Variants in GLDN observed in about 807,000 individuals in gnomAD.
GLDN encodes collomin.
A neutral mutation model predicts 56.5 loss-of-function variants in GLDN; 47 were observed. That is an observed-to-expected ratio of 0.83 (90% CI 0.66 to 1.06). The LOEUF is 1.06. Among genes scored for constraint, GLDN ranks in the 50% least tolerant of loss-of-function variants. The pLI is 0.00. For missense variants in GLDN, 782 were observed against 714.3 expected, an observed-to-expected ratio of 1.09 and a Z score of -1.08; for synonymous variants, 332 against 278.8, an observed-to-expected ratio of 1.19 and a Z score of -1.90.
chr15:51,389,173 C>A (rs1230126237), intron 4 of GLDN, among the ~76,000 whole-genome samples: 2 of 152,210 alleles, frequency 1.3e-5, no homozygotes, highest in Non-Finnish European at 2.9e-5. Context: ...TGGGTTATGA[C>A]AACTCTAATA....
At chr15:51,365,458 T>C (rs1189724569) in intron 1 of GLDN, among the ~76,000 whole-genome samples, 1 of 152,200 alleles carries the variant, frequency 6.6e-6, no homozygotes, top group African/African-American at 2.4e-5. Context: ...GGTAACAGCA[T>C]TAGGTATGTG....
intron 1 of GLDN, among the ~76,000 whole-genome samples, chr15:51,361,685 G>A (rs1042668148): frequency 5.3e-5 from 8 of 152,328 alleles, no homozygotes; most frequent in African/African-American, 1.9e-4. Context: ...GTTCTCTTGA[G>A]GTTTATGTTC....
intron 1 of GLDN, 127 bp from the exon 2 acceptor site, chr15:51,377,322 G>A (rs2037653956): frequency 2.9e-6 from 2 of 693,568 alleles, no homozygotes; most frequent in Non-Finnish European, 5.0e-6. Context: ...CGTTTTCCTT[G>A]AACTTCCGCG....
chr15:51,359,281 G>T (rs916758899), intron 1 of GLDN, among the ~76,000 whole-genome samples: 3 of 152,188 alleles, frequency 2.0e-5, no homozygotes, highest in African/African-American at 7.2e-5. Flanking sequence ...ATATGTAGAC[G>T]TCTTACAGGG....
intron 2 of GLDN, among the ~76,000 whole-genome samples, chr15:51,381,262 G>T (rs2037753007): frequency 6.6e-6 from 1 of 152,182 alleles, no homozygotes; most frequent in Non-Finnish European, 1.5e-5. Context: ...AACCTACTGT[G>T]TACAGGCAAG....
chr15:51,345,371 A>G (rs2036959630), intron 1 of GLDN, among the ~76,000 whole-genome samples: 1 of 152,188 alleles, frequency 6.6e-6, no homozygotes. Flanking sequence ...TCCTTGAGGG[A>G]CTGTATGCAT....
chr15:51,396,457 A>T (rs2038131483), intron 5 of GLDN, among the ~76,000 whole-genome samples: 1 of 152,248 alleles, frequency 6.6e-6, no homozygotes, highest in Non-Finnish European at 1.5e-5. Context: ...AGCCACAAAG[A>T]CAATAGCACA....
intron 1 of GLDN, among the ~76,000 whole-genome samples, chr15:51,360,828 GCTAT>G (rs2037284358): frequency 6.6e-6 from 1 of 152,196 alleles, no homozygotes; most frequent in South Asian, 2.1e-4. Context: ...GACATAGGTA[GCTAT>G]CCCCTGTGTG....
chr15:51,387,390 C>T lies in GLDN; in HGVS notation c.541+3498C>T, dbSNP rs545009439. Among the ~76,000 whole-genome samples, 67 of 152,206 alleles carry T rather than the reference C, an allele frequency of 4.4e-4. 1 individual carries two copies. The South Asian group carries it at 0.011, about 24-fold the overall frequency. On this transcript the variant is annotated intron_variant, in intron 4 of 9. Transcript: ENST00000335449. ...TGAGATGTATGTTTGAAGGGAAGAA[C>T]GAGGTGCTCTGAGGTACAGTGATAG...
At chr15:51,378,285 A>C (rs1390724124) in intron 2 of GLDN, among the ~76,000 whole-genome samples, 1 of 152,150 alleles carries the variant, frequency 6.6e-6, no homozygotes, top group Non-Finnish European at 1.5e-5. Flanking sequence ...TAATTCTGTG[A>C]CTTCTTGGGA....
chr15:51,372,468 A>G (rs1367602495), intron 1 of GLDN, among the ~76,000 whole-genome samples: 1 of 152,076 alleles, frequency 6.6e-6, no homozygotes, highest in African/African-American at 2.4e-5. Flanking sequence ...CTCACTCCTC[A>G]GTGATGCTTA....
At chr15:51,373,759 G>A (rs1164545522) in intron 1 of GLDN, among the ~76,000 whole-genome samples, 1 of 152,178 alleles carries the variant, frequency 6.6e-6, no homozygotes, top group Non-Finnish European at 1.5e-5. Flanking sequence ...CGGGGGCAGG[G>A]CCACAACATG....
intron 1 of GLDN, among the ~76,000 whole-genome samples, chr15:51,353,713 T>TAAAAAAA (rs1566935693): frequency 1.1e-4 from 9 of 80,516 alleles, no homozygotes; most frequent in African/African-American, 5.0e-4. Context: ...TCGGATTTGA[T>TAAAAAAA]TAAAAAAAAA....
At chr15:51,350,786 T>C (rs2141050261) in intron 1 of GLDN, among the ~76,000 whole-genome samples, 1 of 152,298 alleles carries the variant, frequency 6.6e-6, no homozygotes, top group Non-Finnish European at 1.5e-5. Context: ...TCTAGGGACA[T>C]ATATAAGAAA....
intron 1 of GLDN, among the ~76,000 whole-genome samples, chr15:51,359,600 AAGTACTC>A (rs2037251656): frequency 1.3e-5 from 2 of 152,208 alleles, no homozygotes; most frequent in South Asian, 4.1e-4. Flanking sequence ...AAAGCCAATG[AAGTACTC>A]AGTGATGTCC....
At chr15:51,381,795 C>T (rs28485960) in intron 2 of GLDN, among the ~76,000 whole-genome samples, 4,745 of 151,222 alleles carry the variant, frequency 0.031, 260 homozygotes, top group African/African-American at 0.11. Flanking sequence ...AATGCCCATC[C>T]TCCATGTCTC....
intron 4 of GLDN, among the ~76,000 whole-genome samples, chr15:51,394,514 G>A (rs939405586): frequency 2.6e-5 from 4 of 152,202 alleles, no homozygotes; most frequent in Non-Finnish European, 5.9e-5. Context: ...TCCGGAGGCT[G>A]AGGCAGGAGA....
intron 1 of GLDN, among the ~76,000 whole-genome samples, chr15:51,367,987 G>C (rs918613377): frequency 1.3e-5 from 2 of 152,174 alleles, no homozygotes; most frequent in African/African-American, 2.4e-5. Context: ...CTGTTTTCTA[G>C]GGATTATTGG....
intron 9 of GLDN, among the ~76,000 whole-genome samples, chr15:51,402,725 C>T (rs2038281404): frequency 6.6e-6 from 1 of 152,202 alleles, no homozygotes; most frequent in Non-Finnish European, 1.5e-5. Flanking sequence ...TTTGAATGCT[C>T]AGGTTAGAAT....
Sources: allele counts gnomAD v4.1 joint callset (sites outside exome capture counted in the v4.1 genomes callset), GRCh38; gene constraint gnomAD v4.1.1; transcripts MANE v1.5; gene names NCBI Gene and HGNC (gene_info 2026-07-23, HGNC 2026-07-21).